The following SCN1A variants were observed in gnomAD, a reference collection of about 807,000 sequenced individuals.
The protein encoded by SCN1A is sodium voltage-gated channel alpha subunit 1.
In SCN1A, 13 loss-of-function variants were observed where a neutral mutation model predicts 193.7. The ratio of observed to expected loss-of-function variants is 0.07; its 90% CI spans 0.04 to 0.11. SCN1A has a LOEUF of 0.11. Ranked by LOEUF, SCN1A falls within the 10% of genes least tolerant of loss-of-function variation. SCN1A has a pLI of 1.00. For synonymous variants in SCN1A, 781 were observed against 843.6 expected (o/e 0.93, Z 1.29); for missense variants, 1,432 against 2,451.1 (o/e 0.58, Z 8.78).
downstream of SCN1A, chr2:165,985,670 A>G (rs1300253762): frequency 2.0e-5 from 3 of 152,018 alleles, no homozygotes; most frequent in South Asian, 2.1e-4. Flanking sequence ...TGGTGATGCA[A>G]TTTTCCCATC....
Position 166,095,399 on chromosome 2 carries a change from C to T in SCN1A, c.-141-17598G>A, listed in dbSNP as rs1449879823. ...ATTTTTGTATACATTTCCCTTAGTA[C>T]GAATTACTGTGTCAAGTTTTTTAGT... On this transcript the variant is annotated intron_variant, in intron 2 of 28. Coordinates refer to ENST00000674923, the MANE Select transcript of SCN1A (RefSeq NM_001165963.4). 7.9e-5 allele frequency among the ~76,000 whole-genome samples: 12 copies of T among 152,164 alleles called. No homozygotes were observed. In the South Asian group the frequency reaches 1.0e-3, roughly 13 times the overall value.
At chr2:166,088,055 T>TG (rs1686336128) in intron 2 of SCN1A, among the ~76,000 whole-genome samples, 4 of 134,332 alleles carry the variant, frequency 3.0e-5, no homozygotes, top group African/African-American at 6.1e-5. Flanking sequence ...AATCTGTGTG[T>TG]TTGTGTGTGT....
At chr2:166,121,983 C>T (rs1690654721) in intron 2 of SCN1A, among the ~76,000 whole-genome samples, 1 of 152,134 alleles carries the variant, frequency 6.6e-6, no homozygotes, top group African/African-American at 2.4e-5. Flanking sequence ...AATGCACATG[C>T]ACAGAGGAAA....
chr2:166,090,199 A>T (rs1686647833), intron 2 of SCN1A, among the ~76,000 whole-genome samples: 1 of 151,686 alleles, frequency 6.6e-6, no homozygotes, highest in South Asian at 2.1e-4. Flanking sequence ...TGCCCAGCTG[A>T]TTTTTAAACT....
At chr2:166,120,445 C>G (rs1036436470) in intron 2 of SCN1A, among the ~76,000 whole-genome samples, 17 of 150,378 alleles carry the variant, frequency 1.1e-4, no homozygotes, top group African/African-American at 3.4e-4. Flanking sequence ...CTATTATAAC[C>G]TGGGCAATTT....
intron 19 of SCN1A, among the ~76,000 whole-genome samples, chr2:166,034,734 G>A (rs1696104919): frequency 6.6e-6 from 1 of 152,194 alleles, no homozygotes; most frequent in Non-Finnish European, 1.5e-5. Context: ...GGGCCTGTAA[G>A]GTGGTGATAA....
chr2:166,094,180 T>C (rs899151203), intron 2 of SCN1A, among the ~76,000 whole-genome samples: 4 of 152,222 alleles, frequency 2.6e-5, no homozygotes, highest in African/African-American at 9.6e-5. Context: ...AAAGCCATTA[T>C]TATTACACCT....
chr2:166,120,596 C>CTTTTTTTTTTTTTTTTTTTTTTT (rs57044851), intron 2 of SCN1A, among the ~76,000 whole-genome samples: 1 of 72,456 alleles, frequency 1.4e-5, no homozygotes, highest in Admixed American at 2.3e-4. Flanking sequence ...TTTCTTTTCT[C>CTTTTTTTTTTTTTTTTTTTTTTT]TTTTTTTTTT....
intron 18 of SCN1A, 141 bp downstream of exon 18, chr2:166,037,635 A>G: frequency 1.3e-6 from 1 of 778,486 alleles, no homozygotes; most frequent in Non-Finnish European, 2.1e-6. Flanking sequence ...TTGACAAAAC[A>G]GTCACCATTA....
rs776842943 is a variant in SCN1A, at chr2:166,041,267, C to T, written c.2379G>A (p.Thr793=). The change falls in exon 16 of 29, where the codon ACG becomes ACA. Residue 793 remains threonine, a synonymous_variant. Transcript: ENST00000674923. ...LFMAMEHYPM[T]DHFNNVLTVG... Reference sequence around the variant, plus strand: ...CTGTAAGCACATTATTGAAATGGTCCGTCATTGGATAGTGCTCCATGGCCA... The same window carrying T: ...CTGTAAGCACATTATTGAAATGGTCTGTCATTGGATAGTGCTCCATGGCCA... 15 of 1,613,520 alleles carry T rather than the reference C, an allele frequency of 9.3e-6. No homozygotes were observed. Among genetic ancestry groups the T allele is most frequent in the East Asian group, 6.7e-5 (3 of 44,872 alleles).
chr2:166,028,668 T>G (rs541052235), intron 19 of SCN1A, among the ~76,000 whole-genome samples: 12 of 152,330 alleles, frequency 7.9e-5, no homozygotes, highest in African/African-American at 2.9e-4. Context: ...CGTATGCTTA[T>G]TTGATAAATG....
Position 165,991,706 on chromosome 2 carries a change from C to T in SCN1A, c.5569G>A (p.Val1857Met), listed in dbSNP as rs121918814. ...AGACAGTGGATCCGGTCACCACTCACCATGGGCAAATCCATGGCAATGAGC... is the reference window on the plus strand; with the variant it reads ...AGACAGTGGATCCGGTCACCACTCATCATGGGCAAATCCATGGCAATGAGC... ...LQLIAMDLPM[V>M]SGDRIHCLDI... Residue 1857 changes from valine (V) to methionine (M), a missense_variant, in exon 29 of 29, where the codon GTG (valine) becomes ATG (methionine). Transcript: ENST00000674923. 6.2e-7 allele frequency: 1 copy of T among 1,613,920 alleles called. No homozygotes were observed.
At chr2:166,040,918 G>T (rs1361766978) in intron 16 of SCN1A, among the ~76,000 whole-genome samples, 3 of 152,194 alleles carry the variant, frequency 2.0e-5, no homozygotes, top group African/African-American at 7.2e-5. Context: ...TACAGTAAGG[G>T]AAATTGTAAT....
At chr2:166,082,986 T>C (rs1685701788) in intron 2 of SCN1A, among the ~76,000 whole-genome samples, 1 of 152,068 alleles carries the variant, frequency 6.6e-6, no homozygotes, top group South Asian at 2.1e-4. Context: ...TTTCAGTTCG[T>C]TTTGTAGTGT....
intron 4 of SCN1A, among the ~76,000 whole-genome samples, chr2:166,065,945 C>A (rs1683795145): frequency 6.6e-6 from 1 of 152,138 alleles, no homozygotes; most frequent in Non-Finnish European, 1.5e-5. Flanking sequence ...GTTAGTTTAA[C>A]AAAACATGTC....
chr2:166,072,350 C>T (rs1684516235), intron 4 of SCN1A, among the ~76,000 whole-genome samples: 1 of 152,112 alleles, frequency 6.6e-6, no homozygotes, highest in Non-Finnish European at 1.5e-5. Context: ...GGTGAAATGA[C>T]AGTCATAATG....
intron 1 of SCN1A, among the ~76,000 whole-genome samples, chr2:166,147,032 C>T (rs901547500): frequency 2.6e-5 from 4 of 152,092 alleles, no homozygotes; most frequent in Admixed American, 6.6e-5. Flanking sequence ...TTCAGCATGC[C>T]TCACAGTCAC....
intron 24 of SCN1A, among the ~76,000 whole-genome samples, chr2:166,000,537 TC>T (rs769179624): frequency 5.9e-5 from 9 of 151,672 alleles, no homozygotes; most frequent in Non-Finnish European, 1.0e-4. Flanking sequence ...AAAAGGATTA[TC>T]CCTTAGCTAG....
chr2:166,050,021 A>G (rs1698344594), intron 9 of SCN1A, among the ~76,000 whole-genome samples: 1 of 152,076 alleles, frequency 6.6e-6, no homozygotes, highest in African/African-American at 2.4e-5. Flanking sequence ...TACAGGACAC[A>G]GAAGCACATA....
Sources: gnomAD v4.1 joint callset for allele counts (sites outside exome capture counted in the v4.1 genomes callset) on GRCh38, gnomAD v4.1.1 for gene constraint, MANE v1.5 for transcripts, NCBI Gene and HGNC (gene_info 2026-07-23, HGNC 2026-07-21) for gene names.